Variants in MAPK8 observed in about 807,000 individuals in gnomAD.
MAPK8 encodes JUN N-terminal kinase.
MAPK8 carries 13 observed loss-of-function variants against 52.9 expected under a neutral mutation model. The ratio of observed to expected loss-of-function variants is 0.25; its 90% confidence interval spans 0.16 to 0.39. The LOEUF (loss-of-function observed/expected upper bound fraction) is 0.39, where lower values mean the gene tolerates loss of function less well. Ranked by LOEUF, MAPK8 falls within the 10% of genes least tolerant of loss-of-function variation. MAPK8 has a pLI of 1.00. For missense variants in MAPK8, 300 were observed against 519.2 expected, an observed-to-expected ratio of 0.58 and a Z score of 4.10; for synonymous variants, 191 against 169.8, an observed-to-expected ratio of 1.12 and a Z score of -0.97.
chr10:48,316,656 A>G (rs1401717852), intron 1 of MAPK8, among the ~76,000 whole-genome samples: 1 of 152,216 alleles, frequency 6.6e-6, no homozygotes, highest in Non-Finnish European at 1.5e-5. Flanking sequence ...AAAGCACAGG[A>G]GTGAGAGGGT....
rs778866733 is a variant in MAPK8 at position 48,435,039 on chromosome 10, C to T, written c.*10C>T. 4.0e-6 allele frequency: 6 copies of T among 1,506,974 alleles called. No individual in the cohort carries two copies. The highest frequency in any genetic ancestry group is 2.8e-5 in the African/African-American group (2 of 71,196). 93.4% of individuals were successfully genotyped at this position (1,506,974 alleles called of 1,614,324 possible). A position where few individuals can be genotyped will look rare whatever the true frequency, so the allele number is the denominator to read the frequency against. On this transcript the variant is annotated 3_prime_UTR_variant, in exon 12 of 12. Transcript: ENST00000374189. ...GGGCTGCTGTAGATGACTACTTGGG[C>T]CATCGGGGGGTGGGAGGGATGGGGA...
At chr10:48,380,010 G>A (rs2040897760) in intron 1 of MAPK8, among the ~76,000 whole-genome samples, 1 of 150,390 alleles carries the variant, frequency 6.6e-6, no homozygotes, top group Non-Finnish European at 1.5e-5. Context: ...TTGGGAGGCT[G>A]AGGTGAGCGG....
chr10:48,312,731 C>T (rs1431807893), intron 1 of MAPK8, among the ~76,000 whole-genome samples: 2 of 152,162 alleles, frequency 1.3e-5, no homozygotes, highest in African/African-American at 4.8e-5. Context: ...CGTCACTTTT[C>T]AGTTAAACAA....
chr10:48,321,431 A>T (rs774134141), intron 1 of MAPK8, among the ~76,000 whole-genome samples: 1 of 152,278 alleles, frequency 6.6e-6, no homozygotes, highest in South Asian at 2.1e-4. Context: ...TAACAGATGT[A>T]TGGTTTATAA....
At chr10:48,360,751 C>T (rs1257646488) in intron 1 of MAPK8, among the ~76,000 whole-genome samples, 1 of 151,946 alleles carries the variant, frequency 6.6e-6, no homozygotes, top group Non-Finnish European at 1.5e-5. Context: ...TTGGTAAGAG[C>T]CAAAACCGAA....
chr10:48,321,492 T>C (rs928554972), intron 1 of MAPK8, among the ~76,000 whole-genome samples: 13 of 152,202 alleles, frequency 8.5e-5, no homozygotes, highest in African/African-American at 2.7e-4. Flanking sequence ...GATGGCATCA[T>C]TTGTAGCACA....
At chr10:48,392,423 C>T (rs2041673402) in intron 1 of MAPK8, among the ~76,000 whole-genome samples, 2 of 151,886 alleles carry the variant, frequency 1.3e-5, no homozygotes, top group Admixed American at 1.3e-4. Flanking sequence ...TATATGTTCC[C>T]TATATATACA....
intron 1 of MAPK8, among the ~76,000 whole-genome samples, chr10:48,336,551 T>A (rs1041741807): frequency 6.6e-6 from 1 of 152,218 alleles, no homozygotes; most frequent in Non-Finnish European, 1.5e-5. Flanking sequence ...AAATTTACTC[T>A]ATTAGAAATT....
intron 5 of MAPK8, among the ~76,000 whole-genome samples, chr10:48,411,529 G>A (rs537755111): frequency 1.3e-5 from 2 of 152,088 alleles, no homozygotes; most frequent in African/African-American, 4.8e-5. Context: ...TTTTAGCTTC[G>A]TAGTAACTTG....
At chr10:48,326,589 A>G (rs1281667093) in intron 1 of MAPK8, among the ~76,000 whole-genome samples, 6 of 152,236 alleles carry the variant, frequency 3.9e-5, no homozygotes, top group African/African-American at 9.6e-5. Flanking sequence ...CAGATAGAGC[A>G]AATAAATATA....
At chr10:48,373,566 G>A (rs1439130882) in intron 1 of MAPK8, among the ~76,000 whole-genome samples, 2 of 4,946 alleles carry the variant, frequency 4.0e-4, no homozygotes, top group African/African-American at 2.1e-3. Context: ...CAAGTAAATT[G>A]AAAGCAAAAA....
At chr10:48,409,153 T>A (rs1374072599) in intron 3 of MAPK8, among the ~76,000 whole-genome samples, 1 of 151,982 alleles carries the variant, frequency 6.6e-6, no homozygotes, top group Non-Finnish European at 1.5e-5. Flanking sequence ...GCATGAACAG[T>A]CTAGATGTTA....
intron 1 of MAPK8, among the ~76,000 whole-genome samples, chr10:48,396,020 CAAAAG>C (rs973845775): frequency 1.3e-5 from 2 of 151,760 alleles, no homozygotes; most frequent in African/African-American, 4.8e-5. Flanking sequence ...TATAAGGAAA[CAAAAG>C]AGAAGATCTT....
intron 1 of MAPK8, among the ~76,000 whole-genome samples, chr10:48,336,441 TA>T (rs1844693906): frequency 6.6e-6 from 1 of 152,204 alleles, no homozygotes; most frequent in Non-Finnish European, 1.5e-5. Context: ...CTCCTACTTC[TA>T]AAAGCAGCAA....
At chr10:48,418,458 A>G (rs1282024073) in intron 5 of MAPK8, among the ~76,000 whole-genome samples, 1 of 152,174 alleles carries the variant, frequency 6.6e-6, no homozygotes, top group African/African-American at 2.4e-5. Flanking sequence ...GCGTTTACAT[A>G]GATGATCAGC....
chr10:48,341,360 A>G (rs1919708), intron 1 of MAPK8, among the ~76,000 whole-genome samples: 82,112 of 152,020 alleles, frequency 0.54, 22,390 homozygotes, highest in Middle Eastern at 0.73. Flanking sequence ...CCCAAATCCA[A>G]ACATCTGAAA....
At chr10:48,309,263 C>T (rs1284259632) in intron 1 of MAPK8, among the ~76,000 whole-genome samples, 1 of 152,170 alleles carries the variant, frequency 6.6e-6, no homozygotes, top group East Asian at 1.9e-4. Context: ...AGTGTTGTGC[C>T]TTGATCACCA....
chr10:48,373,473 T>C (rs548882157), intron 1 of MAPK8, among the ~76,000 whole-genome samples: 12 of 148,280 alleles, frequency 8.1e-5, no homozygotes, highest in African/African-American at 3.0e-4. Flanking sequence ...AGTCAAGACC[T>C]ATCAGTGTGC....
chr10:48,392,788 A>AT (rs1676341258), intron 1 of MAPK8, among the ~76,000 whole-genome samples: 1 of 151,984 alleles, frequency 6.6e-6, no homozygotes, highest in South Asian at 2.1e-4. Flanking sequence ...TCCCTTGACC[A>AT]TTTACTCCTC....
Sources: gnomAD v4.1 joint callset for allele counts (sites outside exome capture counted in the v4.1 genomes callset) on GRCh38, gnomAD v4.1.1 for gene constraint, MANE v1.5 for transcripts, NCBI Gene and HGNC (gene_info 2026-07-23, HGNC 2026-07-21) for gene names.